The following RBFOX3 variants were observed in gnomAD, a reference collection of about 807,000 sequenced individuals.
The protein encoded by RBFOX3 is RNA binding fox-1 homolog 3.
In RBFOX3, 17 loss-of-function variants were observed where a neutral mutation model predicts 48.7. The observed-to-expected ratio is 0.35, with a 90% CI of 0.24 to 0.52. The LOEUF (loss-of-function observed/expected upper bound fraction) is 0.52. Ranked by LOEUF, RBFOX3 falls within the 20% of genes least tolerant of loss-of-function variation. RBFOX3 has a pLI of 0.94. For missense variants in RBFOX3, 382 were observed against 497.5 expected, an observed-to-expected ratio of 0.77 and a Z score of 2.21; for synonymous variants, 212 against 209.5, an observed-to-expected ratio of 1.01 and a Z score of -0.10.
At chr17:79,296,307 A>ACACACACACACACAC (rs2074333296) in intron 3 of RBFOX3, among the ~76,000 whole-genome samples, 1 of 81,060 alleles carries the variant, frequency 1.2e-5, no homozygotes, top group African/African-American at 5.3e-5. Context: ...CACACACACC[A>ACACACACACACACAC]CACACACACA....
In RBFOX3 at chr17:79,090,816, G is replaced by A; in HGVS notation, c.*67C>T. On this transcript the variant is annotated 3_prime_UTR_variant, in exon 15 of 15. Coordinates refer to ENST00000693108, the MANE Select transcript of RBFOX3 (RefSeq NM_001350451.2). Reference sequence around the variant, plus strand: ...CTTAACATCTTTTTTTGTTTTTTTTGTTTTGTGATTTTTTTTGTTTTTTTG... The same window carrying A: ...CTTAACATCTTTTTTTGTTTTTTTTATTTTGTGATTTTTTTTGTTTTTTTG... 1 of 1,446,828 alleles carries A rather than the reference G, an allele frequency of 6.9e-7. No homozygotes were observed. The highest frequency in any genetic ancestry group is 9.2e-7 in the Non-Finnish European group (1 of 1,082,452). 89.6% of individuals were successfully genotyped at this position (1,446,828 alleles called of 1,614,324 possible).
chr17:79,096,620 T>TTGCC, intron 12 of RBFOX3, 33 bp downstream of exon 12: 1 of 1,502,344 alleles, frequency 6.7e-7, no homozygotes. Context: ...GAACGCCTGA[T>TTGCC]CCCACCCTCC....
At chr17:79,641,947 A>C in the RBFOX3 span, among the ~76,000 whole-genome samples, 1 of 152,272 alleles carries the variant, frequency 6.6e-6, no homozygotes, top group East Asian at 1.9e-4. Context: ...AAGTTTCCTG[A>C]GGCCTCCCCA....
intron 2 of RBFOX3, among the ~76,000 whole-genome samples, chr17:79,397,876 A>G (rs1217350738): frequency 6.6e-6 from 1 of 152,036 alleles, no homozygotes; most frequent in African/African-American, 2.4e-5. Context: ...TACAACCACA[A>G]ACAGAGGCCC....
At chr17:79,358,941 C>T (rs1381108310) in intron 2 of RBFOX3, among the ~76,000 whole-genome samples, 1 of 152,152 alleles carries the variant, frequency 6.6e-6, no homozygotes, top group Non-Finnish European at 1.5e-5. Context: ...TCCCAAGTGC[C>T]CCCAGAGGGC....
chr17:79,105,227 G>A (rs2077145517), intron 6 of RBFOX3, among the ~76,000 whole-genome samples: 3 of 152,314 alleles, frequency 2.0e-5, no homozygotes, highest in South Asian at 2.1e-4. Context: ...GAAAAGAGGG[G>A]GACAGTAACC....
At chr17:79,305,202 A>G (rs1312672773) in intron 3 of RBFOX3, among the ~76,000 whole-genome samples, 1 of 152,116 alleles carries the variant, frequency 6.6e-6, no homozygotes, top group Non-Finnish European at 1.5e-5. Flanking sequence ...CAGAGCCACT[A>G]AAGGGTTCTT....
intron 2 of RBFOX3, among the ~76,000 whole-genome samples, chr17:79,348,081 C>T (rs1235015798): frequency 6.6e-6 from 1 of 152,190 alleles, no homozygotes; most frequent in Non-Finnish European, 1.5e-5. Flanking sequence ...CAGAGCTTCA[C>T]CTTCCCCCTC....
chr17:79,648,749 C>G, the RBFOX3 span, among the ~76,000 whole-genome samples: 1 of 152,176 alleles, frequency 6.6e-6, no homozygotes, highest in Non-Finnish European at 1.5e-5. Flanking sequence ...TGTCCCCACG[C>G]CATCAAGGTT....
chr17:79,184,031 C>G (rs1241850015), intron 4 of RBFOX3, among the ~76,000 whole-genome samples: 1 of 152,254 alleles, frequency 6.6e-6, no homozygotes, highest in African/African-American at 2.4e-5. Flanking sequence ...GGCCGACCGA[C>G]CGGAAGGCGC....
chr17:79,313,262 G>T (rs2077093504), intron 2 of RBFOX3, among the ~76,000 whole-genome samples: 1 of 152,190 alleles, frequency 6.6e-6, no homozygotes, highest in African/African-American at 2.4e-5. Flanking sequence ...GGCTGGGGGA[G>T]GCTCGACCTG....
At position 79,481,866 on chromosome 17, in the gene RBFOX3, G is replaced by C. The variant is rs2078826606; in HGVS notation, c.-175+588C>G. 6.6e-6 allele frequency among the ~76,000 whole-genome samples: 1 copy of C among 152,228 alleles called. No individual in the cohort carries two copies. Among genetic ancestry groups the C allele is most frequent in the African/African-American group, 2.4e-5 (1 of 41,448 alleles). On this transcript the variant is annotated intron_variant, in intron 2 of 14. Transcript: ENST00000693108. The surrounding 1 kb of genome is among the most constrained non-coding windows in gnomAD (Gnocchi z 5.4). ...TCTGAATTTGCCACTGGTCACAAGT[G>C]CAGGTGACCCTGGCAGCTTGCATTC...
chr17:79,215,831 G>A (rs901633142), intron 4 of RBFOX3, among the ~76,000 whole-genome samples: 2 of 152,276 alleles, frequency 1.3e-5, no homozygotes, highest in East Asian at 3.8e-4. Context: ...TGGGCACACT[G>A]CCGGGCTCAA....
chr17:79,413,586 G>A (rs755903563), intron 2 of RBFOX3, among the ~76,000 whole-genome samples: 3 of 152,248 alleles, frequency 2.0e-5, no homozygotes, highest in Admixed American at 6.5e-5. Context: ...CACCTGGAGC[G>A]TGGAGACTCT....
intron 1 of RBFOX3, among the ~76,000 whole-genome samples, chr17:79,483,117 T>G (rs1274115392): frequency 6.6e-6 from 1 of 152,092 alleles, no homozygotes; most frequent in Non-Finnish European, 1.5e-5. Flanking sequence ...CCTGTGTCAT[T>G]TGGAAGAAAC....
intron 2 of RBFOX3, among the ~76,000 whole-genome samples, chr17:79,313,712 T>C (rs1480314193): frequency 6.6e-6 from 1 of 152,200 alleles, no homozygotes. Flanking sequence ...CCCCAGATCC[T>C]TGGGGGCTGT....
At chr17:79,109,003 T>G (rs112343894) in intron 5 of RBFOX3, among the ~76,000 whole-genome samples, 2,701 of 152,350 alleles carry the variant, frequency 0.018, 65 homozygotes, top group African/African-American at 0.061. Context: ...GGAACCGCTG[T>G]CCCGATGCTC....
intron 1 of RBFOX3, among the ~76,000 whole-genome samples, chr17:79,555,227 G>A (rs1272652598): frequency 1.3e-5 from 2 of 152,232 alleles, no homozygotes; most frequent in African/African-American, 4.8e-5. Flanking sequence ...CACAATGCCT[G>A]GCCCATGGTA....
intron 4 of RBFOX3, among the ~76,000 whole-genome samples, chr17:79,124,546 G>A (rs573479586): frequency 1.7e-3 from 265 of 152,388 alleles, no homozygotes; most frequent in South Asian, 4.1e-3. Flanking sequence ...AGGGCTGGAA[G>A]GTGGTGAGCT....
Sources: allele counts gnomAD v4.1 joint callset (sites outside exome capture counted in the v4.1 genomes callset), GRCh38; gene constraint gnomAD v4.1.1; non-coding constraint Gnocchi (gnomAD v3.1); transcripts MANE v1.5; gene names NCBI Gene and HGNC (gene_info 2026-07-23, HGNC 2026-07-21).